SEMA5A: variants seen among roughly 807,000 people sequenced by gnomAD.
SEMA5A encodes semaphorin 5A, also known as semaphorin-5A.
Under a neutral mutation model 135.5 loss-of-function variants are expected in SEMA5A, and 55 were observed. That is an observed-to-expected ratio of 0.41 (90% CI 0.33 to 0.51). SEMA5A has a LOEUF of 0.51. Among genes scored for constraint, SEMA5A ranks in the 20% least tolerant of loss-of-function variants. The pLI is 0.37. For synonymous variants in SEMA5A, 580 were observed against 546.5 expected, an observed-to-expected ratio of 1.06 and a Z score of -0.85; for missense variants, 1,290 against 1,419.9, an observed-to-expected ratio of 0.91 and a Z score of 1.47.
chr5:9,090,124 G>A (rs1418429437), intron 16 of SEMA5A, among the ~76,000 whole-genome samples: 1 of 152,162 alleles, frequency 6.6e-6, no homozygotes, highest in African/African-American at 2.4e-5. Context: ...TGAGAGCGTG[G>A]AAATTCAGAC....
chr5:9,294,739 A>C (rs969786014), intron 5 of SEMA5A, among the ~76,000 whole-genome samples: 3 of 152,202 alleles, frequency 2.0e-5, no homozygotes, highest in African/African-American at 7.2e-5. Context: ...CTCAATGAAG[A>C]AATGGCTTCC....
intron 2 of SEMA5A, among the ~76,000 whole-genome samples, chr5:9,399,036 T>C (rs1756530724): frequency 6.6e-6 from 1 of 152,238 alleles, no homozygotes; most frequent in Non-Finnish European, 1.5e-5. Context: ...AAGATAGTGC[T>C]AAGATAGTTA....
intron 1 of SEMA5A, among the ~76,000 whole-genome samples, chr5:9,487,460 A>G (rs1352029106): frequency 6.6e-6 from 1 of 152,164 alleles, no homozygotes; most frequent in Non-Finnish European, 1.5e-5. Flanking sequence ...ACTCCAGGCA[A>G]CCCATAAGCT....
intron 8 of SEMA5A, among the ~76,000 whole-genome samples, chr5:9,218,313 C>A (rs892772299): frequency 6.6e-6 from 1 of 152,066 alleles, no homozygotes; most frequent in African/African-American, 2.4e-5. Context: ...AGGCACTGTC[C>A]AAAATGTCAC....
intron 1 of SEMA5A, among the ~76,000 whole-genome samples, chr5:9,445,027 A>AAC (rs906087822): frequency 6.6e-6 from 1 of 152,228 alleles, no homozygotes; most frequent in African/African-American, 2.4e-5. Context: ...AGAGAAAGAA[A>AAC]ACACACACAC....
At position 9,379,857 on chromosome 5, in the gene SEMA5A, G is replaced by T. The variant is rs1225893883; in HGVS notation, c.90C>A (p.Cys30Ter). ...AHPEAQGTTQ[C>*]QRTEHPVISY... The stretch of plus-strand genomic sequence containing the variant: ...AGATGACTGGATGCTCGGTTCTCTG[G>T]CACTGAGTCGTACCCTGGGCCTCTG... The change falls in exon 3 of 23, where the codon TGC becomes TGA. Residue 30 changes from cysteine (C) to a stop codon, truncating the protein, a stop_gained. Coordinates refer to ENST00000382496, the MANE Select transcript of SEMA5A (RefSeq NM_003966.3). LOFTEE classifies it high-confidence loss of function. 1 of 1,613,854 alleles carries T rather than the reference G, an allele frequency of 6.2e-7. No individual in the cohort carries two copies. The highest frequency in any genetic ancestry group is 8.5e-7 in the Non-Finnish European group (1 of 1,179,958).
At chr5:9,378,770 C>T (rs921343099) in intron 3 of SEMA5A, among the ~76,000 whole-genome samples, 2 of 151,994 alleles carry the variant, frequency 1.3e-5, no homozygotes, top group African/African-American at 2.4e-5. Context: ...CAAAAGATGC[C>T]GAAGTATTTA....
intron 9 of SEMA5A, among the ~76,000 whole-genome samples, chr5:9,197,630 A>T (rs1806084): frequency 0.13 from 19,228 of 151,992 alleles, 1,738 homozygotes; most frequent in African/African-American, 0.26. Context: ...GAATAAAAAG[A>T]CTTCCTTCTC....
chr5:9,379,758 T>G (rs1182237282), intron 3 of SEMA5A, 65 bp downstream of exon 3: 20 of 1,574,144 alleles, frequency 1.3e-5, no homozygotes, highest in Non-Finnish European at 1.6e-5. Flanking sequence ...TATTATCTTC[T>G]ATCACTAAAC....
intron 3 of SEMA5A, among the ~76,000 whole-genome samples, chr5:9,350,742 G>C (rs2696369): frequency 0.66 from 100,219 of 151,630 alleles, 34,011 homozygotes; most frequent in South Asian, 0.76. Context: ...CCTTATGACT[G>C]CACCGGGAGA....
At chr5:9,076,240 CAT>C (rs930416653) in intron 16 of SEMA5A, among the ~76,000 whole-genome samples, 3 of 148,632 alleles carry the variant, frequency 2.0e-5, no homozygotes, top group African/African-American at 7.4e-5. Context: ...ATCTTGAAAT[CAT>C]GTCATTTGCA....
intron 1 of SEMA5A, among the ~76,000 whole-genome samples, chr5:9,507,271 A>G (rs1735941417): frequency 1.3e-5 from 2 of 152,164 alleles, no homozygotes; most frequent in Admixed American, 1.3e-4. Flanking sequence ...AAACCATCCC[A>G]GAGTATTTGG....
intron 16 of SEMA5A, among the ~76,000 whole-genome samples, chr5:9,082,740 A>G (rs1357367075): frequency 6.6e-6 from 1 of 152,230 alleles, no homozygotes; most frequent in Non-Finnish European, 1.5e-5. Flanking sequence ...AGCAAATATC[A>G]GATGCAGACC....
At chr5:9,333,804 T>G (rs945536736) in intron 4 of SEMA5A, among the ~76,000 whole-genome samples, 1 of 152,206 alleles carries the variant, frequency 6.6e-6, no homozygotes, top group African/African-American at 2.4e-5. Flanking sequence ...TCACTGTGAT[T>G]ATCTCTGAAA....
rs1393236382 is a variant in SEMA5A, at chr5:9,422,976, C to T, written c.-78+14780G>A. On this transcript the variant is annotated intron_variant, in intron 2 of 22. Coordinates refer to ENST00000382496, the MANE Select transcript of SEMA5A (RefSeq NM_003966.3). The stretch of plus-strand genomic sequence containing the variant: ...GGATTTATTCTCTGGGTCTAACAGA[C>T]TGCTTGCAAGCCAGCGTTAAAGACC... 3.3e-5 allele frequency among the ~76,000 whole-genome samples: 5 copies of T among 152,346 alleles called. No individual in the cohort carries two copies. In the South Asian group the frequency reaches 8.3e-4, roughly 25 times the overall value.
At chr5:9,519,955 C>T (rs926224560) in intron 1 of SEMA5A, 7 of 152,176 alleles carry the variant, frequency 4.6e-5, no homozygotes, top group African/African-American at 1.2e-4. Flanking sequence ...CATACAATAA[C>T]CAAAAGTTTA....
chr5:9,333,354 C>G (rs1217873013), intron 4 of SEMA5A, among the ~76,000 whole-genome samples: 1 of 152,178 alleles, frequency 6.6e-6, no homozygotes, highest in Non-Finnish European at 1.5e-5. Context: ...AAATGTCCAA[C>G]AGCATTCAAA....
chr5:9,518,549 GAAAAT>G (rs1736648141), intron 1 of SEMA5A, among the ~76,000 whole-genome samples: 1 of 152,158 alleles, frequency 6.6e-6, no homozygotes, highest in Non-Finnish European at 1.5e-5. Flanking sequence ...TTTATGGAGA[GAAAAT>G]AAAGCAGGAA....
intron 1 of SEMA5A, among the ~76,000 whole-genome samples, chr5:9,451,706 T>C (rs766779272): frequency 3.3e-5 from 5 of 152,230 alleles, no homozygotes; most frequent in Non-Finnish European, 7.3e-5. Context: ...CTTTCACCAG[T>C]AGCTAAGAAG....
Sources: allele counts gnomAD v4.1 joint callset (sites outside exome capture counted in the v4.1 genomes callset), GRCh38; gene constraint gnomAD v4.1.1; transcripts MANE v1.5; gene names NCBI Gene and HGNC (gene_info 2026-07-23, HGNC 2026-07-21).